Variants in CEP112 observed in about 807,000 individuals in gnomAD.
The protein encoded by CEP112 is centrosomal protein of 112 kDa.
Under a neutral mutation model 153.0 loss-of-function variants are expected in CEP112, and 127 were observed. The ratio of observed to expected loss-of-function variants is 0.83; its 90% CI spans 0.72 to 0.96. CEP112 has a LOEUF of 0.96. CEP112 is among the 40% of genes least tolerant of loss of function. The probability of loss-of-function intolerance (pLI) is 0.00; values close to 1 mark genes in which losing one functional copy is unlikely to be tolerated. For missense variants in CEP112, 1,089 were observed against 1,101.2 expected (o/e 0.99, Z 0.16); for synonymous variants, 358 against 374.4 (o/e 0.96, Z 0.51).
chr17:65,826,008 C>G (rs2056821790), intron 21 of CEP112: 4 of 856,630 alleles, frequency 4.7e-6, no homozygotes, highest in Non-Finnish European at 7.5e-6. Context: ...GCAGTTTGTT[C>G]CATCATCCCT....
Position 65,969,911 on chromosome 17 carries a change from TACATGCATATC to T in CEP112, c.1737-8324_1737-8314del, listed in dbSNP as rs1227607938. Among the ~76,000 whole-genome samples, 838 of 152,336 alleles carry T rather than the reference TACATGCATATC, an allele frequency of 5.5e-3. 12 individuals are homozygous for T. The highest frequency in any genetic ancestry group is 0.019 in the African/African-American group (787 of 41,584). ...ACATGCATGCTTAACACATGCATAT[TACATGCATATC>T]ACATGCGCTACAGGCATGCATATCA... On this transcript the variant is annotated intron_variant, in intron 17 of 26. Transcript: ENST00000535342.
chr17:65,913,356 A>G (rs949759589), intron 19 of CEP112: 3 of 292,718 alleles, frequency 1.0e-5, no homozygotes, highest in Non-Finnish European at 1.5e-5. Context: ...AAGCTCCCTT[A>G]AAGATAAAAT....
At chr17:65,866,795 C>A (rs1370729650) in intron 20 of CEP112, among the ~76,000 whole-genome samples, 1 of 152,146 alleles carries the variant, frequency 6.6e-6, no homozygotes, top group African/African-American at 2.4e-5. Context: ...CCTGTCTAGA[C>A]ACCCTGGCTA....
chr17:65,908,196 A>C (rs2060151650), intron 19 of CEP112, among the ~76,000 whole-genome samples: 1 of 152,174 alleles, frequency 6.6e-6, no homozygotes, highest in Non-Finnish European at 1.5e-5. Flanking sequence ...AGATAACAAT[A>C]CTGGGTATGT....
rs145561047 is a variant in CEP112, at chr17:65,691,710, C to A, written c.2608-2492G>T. On this transcript the variant is annotated intron_variant, in intron 23 of 26. Coordinates refer to ENST00000535342, the MANE Select transcript of CEP112 (RefSeq NM_001199165.4). Reference sequence around the variant, plus strand: ...TTGATGAGGTAGCCTTTCCCCCACCCCCTACTTTCATAGCTACCAACAAAT... The same window carrying A: ...TTGATGAGGTAGCCTTTCCCCCACCACCTACTTTCATAGCTACCAACAAAT... Among the ~76,000 whole-genome samples the A allele has an allele frequency of 3.7e-4, 56 of 152,314 alleles. 1 individual carries two copies. The highest frequency in any genetic ancestry group is 1.3e-3 in the African/African-American group (56 of 41,570).
At chr17:65,958,812 G>A (rs529465728) in intron 18 of CEP112, among the ~76,000 whole-genome samples, 1 of 152,290 alleles carries the variant, frequency 6.6e-6, no homozygotes, top group Non-Finnish European at 1.5e-5. Flanking sequence ...TGGGAGGCCT[G>A]GCTGCAAGTC....
At chr17:66,065,254 G>T (rs992830279) in intron 10 of CEP112, among the ~76,000 whole-genome samples, 3 of 152,220 alleles carry the variant, frequency 2.0e-5, no homozygotes, top group South Asian at 2.1e-4. Context: ...AGTTGGCAGG[G>T]ACTTTATATA....
chr17:66,152,563 T>C (rs374855855), intron 4 of CEP112, among the ~76,000 whole-genome samples: 1 of 152,128 alleles, frequency 6.6e-6, no homozygotes, highest in Non-Finnish European at 1.5e-5. Flanking sequence ...GGACACTGCA[T>C]AGACATAAAG....
intron 21 of CEP112, among the ~76,000 whole-genome samples, chr17:65,848,960 C>T (rs937067248): frequency 6.6e-6 from 1 of 152,154 alleles, no homozygotes; most frequent in African/African-American, 2.4e-5. Context: ...CTGCTGCTAC[C>T]ACATCTTGCC....
chr17:66,060,105 A>G (rs1294444621), intron 11 of CEP112, among the ~76,000 whole-genome samples: 1 of 152,114 alleles, frequency 6.6e-6, no homozygotes, highest in African/African-American at 2.4e-5. Flanking sequence ...ATATGGACAT[A>G]AAAACAGGAA....
chr17:65,689,061 C>T lies in CEP112; in HGVS notation c.2697+68G>A, dbSNP rs1439778130. 30 of 1,177,686 alleles carry T rather than the reference C, an allele frequency of 2.5e-5. No homozygotes were observed. The East Asian group carries it at 6.6e-4, about 26-fold the overall frequency. The allele number at this position is 1,177,686 out of a possible 1,614,324, so 73.0% of individuals were successfully genotyped here. A position where few individuals can be genotyped will look rare whatever the true frequency, so the allele number is the denominator to read the frequency against. On this transcript the variant is annotated intron_variant, in intron 24 of 26. Transcript: ENST00000535342. ...GAGATTACAGGTGTGAGCCACTGCA[C>T]CTGGCTGCACACACTTCTTGACCTA...
At chr17:65,878,494 T>C (rs943328559) in intron 20 of CEP112, among the ~76,000 whole-genome samples, 1 of 151,884 alleles carries the variant, frequency 6.6e-6, no homozygotes, top group Admixed American at 6.6e-5. Context: ...AAGCCAACCA[T>C]AAAGACAAAA....
At chr17:65,901,091 A>C (rs2059830619) in intron 20 of CEP112, among the ~76,000 whole-genome samples, 1 of 152,210 alleles carries the variant, frequency 6.6e-6, no homozygotes, top group Non-Finnish European at 1.5e-5. Context: ...CAAAAAAATT[A>C]ACATCTTACT....
chr17:65,765,918 G>A (rs2052935978), intron 21 of CEP112, among the ~76,000 whole-genome samples: 1 of 151,774 alleles, frequency 6.6e-6, no homozygotes, highest in South Asian at 2.1e-4. Flanking sequence ...CAGATGTGAA[G>A]ACACCAATTC....
At chr17:65,682,412 AC>A (rs1378527704) in intron 24 of CEP112, among the ~76,000 whole-genome samples, 2 of 152,116 alleles carry the variant, frequency 1.3e-5, no homozygotes, top group African/African-American at 4.8e-5. Context: ...TTAGGCCATA[AC>A]CTCTGAATTG....
At chr17:65,863,636 G>A (rs1331664532) in intron 20 of CEP112, among the ~76,000 whole-genome samples, 2 of 150,678 alleles carry the variant, frequency 1.3e-5, no homozygotes, top group Non-Finnish European at 3.0e-5. Context: ...GCGGGTGCCT[G>A]TAGTCCCAGC....
chr17:65,733,006 G>C (rs1360797158), intron 23 of CEP112, among the ~76,000 whole-genome samples: 1 of 152,192 alleles, frequency 6.6e-6, no homozygotes, highest in Non-Finnish European at 1.5e-5. Context: ...TCGTACAAGA[G>C]GCCTAGCTTT....
chr17:65,781,743 A>T (rs960256658), intron 21 of CEP112, among the ~76,000 whole-genome samples: 4 of 152,194 alleles, frequency 2.6e-5, no homozygotes, highest in Admixed American at 6.5e-5. Flanking sequence ...AACCAAAATA[A>T]GCAATGGGGA....
At chr17:65,786,468 AT>A (rs1342613329) in intron 21 of CEP112, among the ~76,000 whole-genome samples, 1 of 145,574 alleles carries the variant, frequency 6.9e-6, no homozygotes, top group African/African-American at 2.6e-5. Flanking sequence ...TTAGTGTCTT[AT>A]TTTTCATTTC....
Sources: allele counts gnomAD v4.1 joint callset (sites outside exome capture counted in the v4.1 genomes callset), GRCh38; gene constraint gnomAD v4.1.1; transcripts MANE v1.5; gene names NCBI Gene and HGNC (gene_info 2026-07-23, HGNC 2026-07-21).